The following FSTL4 variants were observed in gnomAD, a reference collection of about 807,000 sequenced individuals.
FSTL4 encodes follistatin-related protein 4.
A neutral mutation model predicts 78.2 loss-of-function variants in FSTL4; 28 were observed. That is an observed-to-expected ratio of 0.36 (90% confidence interval 0.27 to 0.49). FSTL4 has a LOEUF of 0.49. Ranked by LOEUF, FSTL4 falls within the 20% of genes least tolerant of loss-of-function variation. The pLI is 0.98. For synonymous variants in FSTL4, 422 were observed against 440.5 expected (o/e 0.96, Z 0.53); for missense variants, 922 against 1,084.9 (o/e 0.85, Z 2.11).
chr5:133,552,401 T>C (rs1484607936), intron 3 of FSTL4, among the ~76,000 whole-genome samples: 1 of 152,134 alleles, frequency 6.6e-6, no homozygotes, highest in Non-Finnish European at 1.5e-5. Flanking sequence ...CAGGAGAGCA[T>C]GTATTCCCTT....
the FSTL4 span, among the ~76,000 whole-genome samples, chr5:133,675,409 C>T: frequency 2.6e-5 from 4 of 152,224 alleles, no homozygotes; most frequent in East Asian, 5.8e-4. Context: ...TCTTTGCTAC[C>T]GATGGCCTAG....
chr5:133,448,777 C>CT (rs1757322870), intron 3 of FSTL4, among the ~76,000 whole-genome samples: 1 of 150,592 alleles, frequency 6.6e-6, no homozygotes, highest in South Asian at 2.1e-4. Context: ...GCCTTTTGCG[C>CT]AAACTCCCCA....
the FSTL4 span, among the ~76,000 whole-genome samples, chr5:133,719,672 TAAA>T: frequency 2.8e-3 from 287 of 102,020 alleles, no homozygotes; most frequent in African/African-American, 9.2e-3. Context: ...AAACTCCATC[TAAA>T]AAAAAAAAAA....
At chr5:133,334,451 T>C (rs1156987530) in intron 4 of FSTL4, among the ~76,000 whole-genome samples, 3 of 152,168 alleles carry the variant, frequency 2.0e-5, no homozygotes, top group African/African-American at 7.2e-5. Context: ...GTAGTGGGTA[T>C]GCTTGGGTGG....
At chr5:133,327,525 G>T (rs1479304679) in intron 4 of FSTL4, among the ~76,000 whole-genome samples, 1 of 152,218 alleles carries the variant, frequency 6.6e-6, no homozygotes, top group African/African-American at 2.4e-5. Context: ...AAATCAGAAA[G>T]AGAAACTGGG....
the FSTL4 span, among the ~76,000 whole-genome samples, chr5:133,754,591 A>T: frequency 6.6e-6 from 1 of 152,250 alleles, no homozygotes; most frequent in Non-Finnish European, 1.5e-5. Context: ...TTTACTAGAC[A>T]GGATAGAAAA....
At chr5:133,459,038 T>A (rs1450026895) in intron 3 of FSTL4, among the ~76,000 whole-genome samples, 1 of 151,916 alleles carries the variant, frequency 6.6e-6, no homozygotes, top group Admixed American at 6.6e-5. Context: ...AGAGGTATGG[T>A]GTCACTGCCC....
rs1580629585 is a variant in FSTL4, at chr5:133,337,128, G to C, written c.410-20476C>G. ...CTCGATTTGGGATATCGTCCTCTCCGGTAAGGCCCAGAGCCCCCAACCTGC... is the reference window on the plus strand; with the variant it reads ...CTCGATTTGGGATATCGTCCTCTCCCGTAAGGCCCAGAGCCCCCAACCTGC... On this transcript the variant is annotated intron_variant, in intron 4 of 15. Transcript: ENST00000265342. Among the ~76,000 whole-genome samples, 4 of 152,232 alleles carry C rather than the reference G, an allele frequency of 2.6e-5. No individual in the cohort carries two copies. The South Asian group carries it at 8.3e-4, about 32-fold the overall frequency.
intron 3 of FSTL4, among the ~76,000 whole-genome samples, chr5:133,537,876 T>C (rs964310417): frequency 1.3e-5 from 2 of 151,644 alleles, no homozygotes; most frequent in African/African-American, 4.9e-5. Context: ...TATATATAAA[T>C]ATATAGGCAT....
intron 3 of FSTL4, among the ~76,000 whole-genome samples, chr5:133,532,791 C>T (rs552500606): frequency 2.4e-4 from 36 of 152,304 alleles, no homozygotes; most frequent in African/African-American, 8.2e-4. Context: ...TCAGAAAGGC[C>T]GGTCACAGAT....
At chr5:133,468,690 G>T (rs1757759842) in intron 3 of FSTL4, among the ~76,000 whole-genome samples, 1 of 152,162 alleles carries the variant, frequency 6.6e-6, no homozygotes, top group Admixed American at 6.5e-5. Flanking sequence ...CCAGACCTGA[G>T]ACTCAGTGTG....
At chr5:133,246,149 G>A (rs1300666102) in intron 7 of FSTL4, among the ~76,000 whole-genome samples, 2 of 152,124 alleles carry the variant, frequency 1.3e-5, no homozygotes, top group Non-Finnish European at 2.9e-5. Context: ...GCTTGCCCCC[G>A]TGCAGCCGTG....
chr5:133,641,246 A>ACAC, the FSTL4 span, among the ~76,000 whole-genome samples: 12 of 151,998 alleles, frequency 7.9e-5, no homozygotes, highest in Admixed American at 2.6e-4. Context: ...AAAACAAAAC[A>ACAC]AAACAAAACA....
At chr5:133,839,793 T>A in the FSTL4 span, among the ~76,000 whole-genome samples, 3 of 152,230 alleles carry the variant, frequency 2.0e-5, no homozygotes, top group East Asian at 5.8e-4. Context: ...ATTTTCCAAA[T>A]TAGGCTGATG....
At chr5:133,207,814 T>A (rs1053679648) in intron 14 of FSTL4, 2 of 152,088 alleles carry the variant, frequency 1.3e-5, no homozygotes, top group Non-Finnish European at 2.9e-5. Context: ...CCTGGCTAAT[T>A]TTTTTATTTT....
chr5:133,707,358 T>C, the FSTL4 span, among the ~76,000 whole-genome samples: 1 of 152,208 alleles, frequency 6.6e-6, no homozygotes, highest in Non-Finnish European at 1.5e-5. Flanking sequence ...CTCTGGAGCC[T>C]GCCAGCAGTG....
intron 13 of FSTL4, among the ~76,000 whole-genome samples, chr5:133,216,639 C>T (rs1230201131): frequency 6.6e-6 from 1 of 152,242 alleles, no homozygotes; most frequent in African/African-American, 2.4e-5. Flanking sequence ...GTGTGAGCCA[C>T]CACACCCAGC....
intron 3 of FSTL4, among the ~76,000 whole-genome samples, chr5:133,446,972 G>GGCTGAAGAGAAAAGTAA (rs1757278205): frequency 6.6e-6 from 1 of 152,188 alleles, no homozygotes; most frequent in Non-Finnish European, 1.5e-5. Flanking sequence ...GGCTCCTGTA[G>GGCTGAAGAGAAAAGTAA]GCTGAAGAGA....
intron 3 of FSTL4, among the ~76,000 whole-genome samples, chr5:133,455,567 A>G (rs1757471320): frequency 6.6e-6 from 1 of 152,230 alleles, no homozygotes. Context: ...AGGCCCAGGC[A>G]TGCAGACTTA....
Sources: allele counts gnomAD v4.1 joint callset (sites outside exome capture counted in the v4.1 genomes callset), GRCh38; gene constraint gnomAD v4.1.1; transcripts MANE v1.5; gene names NCBI Gene and HGNC (gene_info 2026-07-23, HGNC 2026-07-21).